ACSS1: variants seen among roughly 807,000 people sequenced by gnomAD.
ACSS1 encodes the protein acetyl-coenzyme A synthetase 2-like, mitochondrial.
Under a neutral mutation model 75.3 loss-of-function variants are expected in ACSS1, and 42 were observed. That is an observed-to-expected ratio of 0.56 (90% CI 0.44 to 0.72). The LOEUF is 0.72. ACSS1 is among the 30% of genes least tolerant of loss of function. The pLI is 0.00. For missense variants in ACSS1, 782 were observed against 935.7 expected, an observed-to-expected ratio of 0.84 and a Z score of 2.14; for synonymous variants, 380 against 376.8, an observed-to-expected ratio of 1.01 and a Z score of -0.10.
At chr20:25,051,235 C>G (rs1402838475) in intron 1 of ACSS1, among the ~76,000 whole-genome samples, 1 of 152,218 alleles carries the variant, frequency 6.6e-6, no homozygotes, top group African/African-American at 2.4e-5. Context: ...CAGATGCTCA[C>G]TGCCTGCTGC....
chr20:25,032,452 C>T, intron 2 of ACSS1: 1 of 1,352,628 alleles, frequency 7.4e-7, no homozygotes. Flanking sequence ...TGAATCTGGA[C>T]CTGGCAATTG....
chr20:25,037,745 C>A (rs967277002), intron 2 of ACSS1, among the ~76,000 whole-genome samples: 12 of 152,238 alleles, frequency 7.9e-5, no homozygotes, highest in Admixed American at 7.9e-4. Flanking sequence ...CCCCTTCTCA[C>A]GCAGGAGGAG....
At chr20:25,042,417 G>A (rs535018694) in intron 2 of ACSS1, among the ~76,000 whole-genome samples, 7 of 152,208 alleles carry the variant, frequency 4.6e-5, no homozygotes, top group Non-Finnish European at 7.4e-5. Context: ...CTCCTCTCAG[G>A]TGGGGCAGCT....
intron 7 of ACSS1, among the ~76,000 whole-genome samples, chr20:25,016,155 A>C (rs2088512026): frequency 6.6e-6 from 1 of 152,188 alleles, no homozygotes; most frequent in Admixed American, 6.5e-5. Flanking sequence ...AGTCTGAAGC[A>C]TGACGCTGGG....
rs150295680 is a variant in ACSS1 at position 25,045,133 on chromosome 20, C to T, written c.431+2952G>A. The stretch of plus-strand genomic sequence containing the variant: ...GGCTATTCTTACTTGCTAGTGCGTT[C>T]GGGCTGTCATCTCCCTGTGCCTACT... On this transcript the variant is annotated intron_variant, in intron 2 of 13. Coordinates refer to ENST00000323482, the MANE Select transcript of ACSS1 (RefSeq NM_032501.4). Among the ~76,000 whole-genome samples, 538 of 152,326 alleles carry T rather than the reference C, an allele frequency of 3.5e-3. 7 individuals are homozygous for T. The highest frequency in any genetic ancestry group is 3.5e-3 in the Non-Finnish European group (235 of 68,026).
At chr20:25,027,793 A>T (rs539661133) in intron 3 of ACSS1, among the ~76,000 whole-genome samples, 2 of 151,840 alleles carry the variant, frequency 1.3e-5, no homozygotes, top group African/African-American at 4.8e-5. Context: ...AAAAAAAAAA[A>T]AAAAGAAATA....
At chr20:25,018,468 T>C (rs1198754387) in intron 7 of ACSS1, among the ~76,000 whole-genome samples, 2 of 152,186 alleles carry the variant, frequency 1.3e-5, no homozygotes, top group Non-Finnish European at 2.9e-5. Flanking sequence ...GGGGACAGTA[T>C]GGCAAGGGAC....
At chr20:25,040,203 C>G (rs1430396404) in intron 2 of ACSS1, among the ~76,000 whole-genome samples, 4 of 152,232 alleles carry the variant, frequency 2.6e-5, no homozygotes, top group Admixed American at 2.6e-4. Flanking sequence ...TTTGCACACC[C>G]CACATGCCCT....
Position 25,023,388 on chromosome 20 carries a change from A to G in ACSS1, c.807+78T>C, listed in dbSNP as rs533217626. Reference sequence around the variant, plus strand: ...GCACCTCTAGGGAACCCAAATTGAGAACCACAACCCGAGAAGCCTCAGAGC... The same window carrying G: ...GCACCTCTAGGGAACCCAAATTGAGGACCACAACCCGAGAAGCCTCAGAGC... On this transcript the variant is annotated intron_variant, in intron 4 of 13. Transcript: ENST00000323482. 12 of 1,560,978 alleles carry G rather than the reference A, an allele frequency of 7.7e-6. No homozygotes were observed. In the East Asian group the frequency reaches 2.8e-4, roughly 36 times the overall value.
At chr20:25,051,185 C>A (rs992990355) in intron 1 of ACSS1, among the ~76,000 whole-genome samples, 1 of 152,238 alleles carries the variant, frequency 6.6e-6, no homozygotes, top group East Asian at 1.9e-4. Context: ...CTCTCCCGAG[C>A]ACCTCACTGT....
At chr20:25,027,779 C>CAAAAAA (rs78414153) in intron 3 of ACSS1, among the ~76,000 whole-genome samples, 10 of 75,338 alleles carry the variant, frequency 1.3e-4, no homozygotes, top group African/African-American at 2.0e-4. Context: ...AGTGATCAGG[C>CAAAAAA]AAAAAAAAAA....
chr20:25,037,147 A>G (rs908743801), intron 2 of ACSS1, among the ~76,000 whole-genome samples: 13 of 152,230 alleles, frequency 8.5e-5, no homozygotes, highest in African/African-American at 3.1e-4. Flanking sequence ...TTTGTTGTCC[A>G]TCAAGTACAA....
intron 1 of ACSS1, 78 bp from the exon 2 acceptor site, chr20:25,048,259 C>A (rs73906054): frequency 7.7e-7 from 1 of 1,301,004 alleles, no homozygotes; most frequent in South Asian, 1.3e-5. Context: ...GGGGTTGGAG[C>A]GGGTCTAGTT....
At chr20:25,043,161 C>A (rs1043332978) in intron 2 of ACSS1, among the ~76,000 whole-genome samples, 2 of 147,834 alleles carry the variant, frequency 1.4e-5, no homozygotes, top group South Asian at 2.1e-4. Flanking sequence ...CTCACCAGTC[C>A]CCCACTCCTG....
chr20:25,036,992 A>G (rs369627254), intron 2 of ACSS1, among the ~76,000 whole-genome samples: 875 of 82,528 alleles, frequency 0.011, 14 homozygotes, highest in African/African-American at 0.039. Flanking sequence ...AGAAAAAGAA[A>G]GAAAGAAGAA....
At chr20:25,055,311 C>T (rs555098928) in intron 1 of ACSS1, among the ~76,000 whole-genome samples, 6 of 152,214 alleles carry the variant, frequency 3.9e-5, no homozygotes, top group Admixed American at 1.3e-4. Flanking sequence ...CAGTTACATA[C>T]GGCCCTTGTT....
intron 6 of ACSS1, 45 bp downstream of exon 6, chr20:25,021,344 C>G (rs919328168): frequency 6.2e-6 from 10 of 1,601,454 alleles, no homozygotes; most frequent in African/African-American, 1.3e-5. Context: ...AGGCTCTCTC[C>G]CCTGACACCA....
Position 25,013,657 on chromosome 20 carries a change from G to A in ACSS1, c.1458C>T (p.Ser486=), listed in dbSNP as rs6050250. Residue 486 remains serine (S), a synonymous_variant, in exon 10 of 14, where the codon AGC becomes AGT. Transcript: ENST00000323482. ...CGGAGACGTTGCTGCCCTCCACGAC[G>A]CTGCCCTGTAGACCCCGGACATGCA... ...IVPVLMDEKG[S]VVEGSNVSGA... 5,022 of 1,598,988 alleles carry A rather than the reference G, an allele frequency of 3.1e-3. 156 individuals are homozygous for A. The African/African-American group carries it at 0.06, about 19-fold the overall frequency.
At chr20:25,030,610 G>A (rs1392160718) in intron 3 of ACSS1, 149 bp downstream of exon 3, 7 of 881,196 alleles carry the variant, frequency 7.9e-6, no homozygotes, top group East Asian at 2.7e-5. Flanking sequence ...ATTCTCATTC[G>A]GCCATGTGCC....
Sources: gnomAD v4.1 joint callset for allele counts (sites outside exome capture counted in the v4.1 genomes callset) on GRCh38, gnomAD v4.1.1 for gene constraint, MANE v1.5 for transcripts, NCBI Gene and HGNC (gene_info 2026-07-23, HGNC 2026-07-21) for gene names.